EXD3: variants seen among roughly 807,000 people sequenced by gnomAD.
EXD3 encodes exonuclease mut-7 homolog.
Under a neutral mutation model 98.0 loss-of-function variants are expected in EXD3, and 92 were observed. That is an observed-to-expected ratio of 0.94 (90% CI 0.79 to 1.12). The LOEUF is 1.12. Among genes scored for constraint, EXD3 ranks in the 50% most tolerant of loss-of-function variants. The pLI is 0.00. For synonymous variants in EXD3, 569 were observed against 526.0 expected (o/e 1.08, Z -1.12); for missense variants, 1,222 against 1,191.6 (o/e 1.03, Z -0.38).
At position 137,373,414 on chromosome 9, in the gene EXD3, C is replaced by A; in HGVS notation, c.294+12G>T. On this transcript the variant is annotated intron_variant, in intron 4 of 21. Coordinates refer to ENST00000340951, the MANE Select transcript of EXD3 (RefSeq NM_017820.5). ...GGAAGGGAGGTGACTGTCACAGAACCCATGGGCTCACCTGGGCCAGGCTCG... is the reference window on the plus strand; with the variant it reads ...GGAAGGGAGGTGACTGTCACAGAACACATGGGCTCACCTGGGCCAGGCTCG... 6.2e-7 allele frequency: 1 copy of A among 1,603,908 alleles called. No individual in the cohort carries two copies. The highest frequency in any genetic ancestry group is 8.5e-7 in the Non-Finnish European group (1 of 1,179,020).
chr9:137,382,383 G>A (rs1158953293), intron 3 of EXD3, among the ~76,000 whole-genome samples: 1 of 152,064 alleles, frequency 6.6e-6, no homozygotes, highest in African/African-American at 2.4e-5. Context: ...TCAGACACGT[G>A]GGGGGCGGGG....
chr9:137,398,841 C>T lies in EXD3; in HGVS notation c.-47-3437G>A, dbSNP rs191102899. 4.2e-3 allele frequency among the ~76,000 whole-genome samples: 626 copies of T among 147,696 alleles called. 3 individuals carry two copies. Among genetic ancestry groups the T allele is most frequent in the African/African-American group, 0.015 (576 of 39,492 alleles). ...CGCGTCCCCGTGACACACGTGCACC[C>T]GCATCCCCAAGACACACAGGCACCC... On this transcript the variant is annotated intron_variant, in intron 1 of 21. Transcript: ENST00000340951.
Position 137,306,987 on chromosome 9 carries a change from G to A in EXD3, c.2594C>T (p.Pro865Leu), listed in dbSNP as rs1033062433. 5 of 1,602,694 alleles carry A rather than the reference G, an allele frequency of 3.1e-6. No homozygotes were observed. Among genetic ancestry groups the A allele is most frequent in the Middle Eastern group, 1.7e-4 (1 of 6,000 alleles). The change falls in exon 22 of 22, where the codon CCG becomes CTG. Residue 865 changes from proline to leucine, a missense_variant. Coordinates refer to ENST00000340951, the MANE Select transcript of EXD3 (RefSeq NM_017820.5). ...MLESAPSPCE[P>L]SPAPSPASSP... Reference sequence around the variant, plus strand: ...GCTGGCCGGGCTGGGGGCTGGGCTCGGCTCGCAGGGGCTGGGGGCGCTCTC... The same window carrying A: ...GCTGGCCGGGCTGGGGGCTGGGCTCAGCTCGCAGGGGCTGGGGGCGCTCTC...
chr9:137,329,596 A>G (rs867797283), intron 17 of EXD3, among the ~76,000 whole-genome samples: 8 of 13,700 alleles, frequency 5.8e-4, no homozygotes, highest in Admixed American at 1.6e-3. Context: ...ACTACACGGG[A>G]CTACACGGGG....
chr9:137,322,369 C>T (rs528402767), intron 19 of EXD3, among the ~76,000 whole-genome samples: 1 of 151,966 alleles, frequency 6.6e-6, no homozygotes, highest in East Asian at 1.9e-4. Context: ...GACACCTCAC[C>T]CCGGACCCAC....
intron 6 of EXD3, 158 bp downstream of exon 6, chr9:137,367,778 T>A (rs1352820657): frequency 3.1e-6 from 2 of 637,368 alleles, no homozygotes; most frequent in African/African-American, 1.8e-5. Flanking sequence ...AGGAGGATGG[T>A]GGTTTAGGGG....
chr9:137,339,560 C>G (rs536149181), intron 17 of EXD3, among the ~76,000 whole-genome samples: 2 of 150,270 alleles, frequency 1.3e-5, no homozygotes, highest in Non-Finnish European at 3.0e-5. Context: ...GGGTAATATG[C>G]GGGACCAAGT....
At chr9:137,354,439 G>T (rs1231026062) in intron 9 of EXD3, 62 bp from the exon 10 acceptor site, 14 of 1,608,450 alleles carry the variant, frequency 8.7e-6, no homozygotes, top group Middle Eastern at 1.7e-4. Context: ...TCGGGGCCTG[G>T]TGGGAGTTTT....
rs200745627 is a variant in EXD3 at position 137,373,478 on chromosome 9, G to A, written c.242C>T (p.Ser81Phe). ...CTGTAGCCAGCACTGCAGCTGGTGGGAGATCCAGGCCGCCAGGGAGGGGCC... is the reference window on the plus strand; with the variant it reads ...CTGTAGCCAGCACTGCAGCTGGTGGAAGATCCAGGCCGCCAGGGAGGGGCC... ...GEGPSLAAWISHQLQCWLQAQ... is the reference protein window; with the variant it reads ...GEGPSLAAWIFHQLQCWLQAQ... Residue 81 changes from serine (S) to phenylalanine (F), a missense_variant, in exon 4 of 22, where the codon TCC becomes TTC. Coordinates refer to ENST00000340951, the MANE Select transcript of EXD3 (RefSeq NM_017820.5). 2 of 1,609,496 alleles carry A rather than the reference G, an allele frequency of 1.2e-6. No individual in the cohort carries two copies. The highest frequency in any genetic ancestry group is 1.7e-6 in the Non-Finnish European group (2 of 1,178,928).
Position 137,324,204 on chromosome 9 carries a change from C to A in EXD3, c.1999-61G>T, listed in dbSNP as rs925828083. On this transcript the variant is annotated intron_variant, in intron 17 of 21. Coordinates refer to ENST00000340951, the MANE Select transcript of EXD3 (RefSeq NM_017820.5). This position sits in a 1 kb window ranked among gnomAD's most constrained non-coding sequence, Gnocchi z 4.1. ...AGCTCCGTGCTCCTGGACTGGGCCA[C>A]CTCTGCTCGCCACCCCCTAGCTCCC... 1.0e-5 allele frequency: 14 copies of A among 1,397,332 alleles called. No homozygotes were observed. The highest frequency in any genetic ancestry group is 1.3e-5 in the Non-Finnish European group (13 of 1,010,818). The allele number at this position is 1,397,332 out of a possible 1,614,324, so 86.6% of individuals were successfully genotyped here.
intron 1 of EXD3, among the ~76,000 whole-genome samples, chr9:137,408,456 T>A (rs946954967): frequency 1.4e-5 from 2 of 145,016 alleles, no homozygotes; most frequent in Non-Finnish European, 1.5e-5. Context: ...CTGAGGCAGG[T>A]GAATGGCGTG....
At chr9:137,400,029 C>CAAA (rs36029399) in intron 1 of EXD3, among the ~76,000 whole-genome samples, 2 of 73,320 alleles carry the variant, frequency 2.7e-5, no homozygotes, top group Admixed American at 1.4e-4. Flanking sequence ...AACTCCATCT[C>CAAA]AAAAAAAAAA....
chr9:137,404,310 T>C (rs1470212922), intron 1 of EXD3, among the ~76,000 whole-genome samples: 1 of 152,156 alleles, frequency 6.6e-6, no homozygotes, highest in African/African-American at 2.4e-5. Context: ...ACGCCAGCTC[T>C]TGGGGAAGGG....
In EXD3 at chr9:137,411,931, C is replaced by T. The variant is rs116028434; in HGVS notation, c.-48+11183G>A. Among the ~76,000 whole-genome samples the T allele has an allele frequency of 2.6e-3, 396 of 152,286 alleles. 2 individuals carry two copies. Among genetic ancestry groups the T allele is most frequent in the African/African-American group, 9.4e-3 (389 of 41,572 alleles). On this transcript the variant is annotated intron_variant, in intron 1 of 21. Coordinates refer to ENST00000340951, the MANE Select transcript of EXD3 (RefSeq NM_017820.5). Reference sequence around the variant, plus strand: ...GGTGTTTCCCTGAGGACCGGTGGGCCCTCCAGGTGGGCCTTGTGCCGCCAG... The same window carrying T: ...GGTGTTTCCCTGAGGACCGGTGGGCTCTCCAGGTGGGCCTTGTGCCGCCAG...
intron 1 of EXD3, among the ~76,000 whole-genome samples, chr9:137,400,182 T>A (rs1192926801): frequency 6.6e-6 from 1 of 152,040 alleles, no homozygotes; most frequent in Non-Finnish European, 1.5e-5. Context: ...GTCCCTCCCA[T>A]AACGTGGGAA....
intron 20 of EXD3, 126 bp from the exon 21 acceptor site, chr9:137,307,772 C>A: frequency 2.9e-6 from 3 of 1,025,178 alleles, no homozygotes; most frequent in Admixed American, 4.7e-5. Flanking sequence ...TCTTCACACA[C>A]CCCCCAGCCT....
In EXD3 at chr9:137,355,168, C is replaced by T. The variant is rs941173259; in HGVS notation, c.758-395G>A. Among the ~76,000 whole-genome samples, 13 of 152,262 alleles carry T rather than the reference C, an allele frequency of 8.5e-5. No individual in the cohort carries two copies. In the South Asian group the frequency reaches 1.9e-3, roughly 22 times the overall value. On this transcript the variant is annotated intron_variant, in intron 8 of 21. Transcript: ENST00000340951. ...GGTCCCGTGACTGAAGCCCCATGAG[C>T]GGCAGGGACTGAGGCACACGCACGT...
intron 9 of EXD3, 21 bp downstream of exon 9, chr9:137,354,679 G>T (rs1263873280): frequency 1.2e-6 from 2 of 1,609,724 alleles, no homozygotes; most frequent in Admixed American, 1.7e-5. Flanking sequence ...CTGCCCCCAG[G>T]ACCCCCTCCT....
chr9:137,417,165 G>A (rs191098368), intron 1 of EXD3, among the ~76,000 whole-genome samples: 3 of 152,172 alleles, frequency 2.0e-5, no homozygotes, highest in Admixed American at 6.5e-5. Context: ...ACCAGACGCC[G>A]GGGGAGAAGT....
Sources: allele counts gnomAD v4.1 joint callset (sites outside exome capture counted in the v4.1 genomes callset), GRCh38; gene constraint gnomAD v4.1.1; non-coding constraint Gnocchi (gnomAD v3.1); transcripts MANE v1.5; gene names NCBI Gene and HGNC (gene_info 2026-07-23, HGNC 2026-07-21).